USO1: variants seen among roughly 807,000 people sequenced by gnomAD.
USO1 encodes USO1 vesicle transport factor, also known as general vesicular transport factor p115.
Under a neutral mutation model 124.5 loss-of-function variants are expected in USO1, and 57 were observed. The ratio of observed to expected loss-of-function variants is 0.46; its 90% CI spans 0.37 to 0.57. The LOEUF (loss-of-function observed/expected upper bound fraction) is 0.57. Ranked by LOEUF, USO1 falls within the 20% of genes least tolerant of loss-of-function variation. The probability of loss-of-function intolerance (pLI) is 0.00; values close to 1 mark genes in which losing one functional copy is unlikely to be tolerated. For synonymous variants in USO1, 369 were observed against 362.8 expected (o/e 1.02, Z -0.19); for missense variants, 900 against 1,040.6 (o/e 0.86, Z 1.86).
intron 4 of USO1, among the ~76,000 whole-genome samples, chr4:75,765,873 A>G (rs1400724584): frequency 6.6e-6 from 1 of 152,212 alleles, no homozygotes; most frequent in Non-Finnish European, 1.5e-5. Context: ...AGGCCTTTGT[A>G]GCATCAATCC....
intron 1 of USO1, among the ~76,000 whole-genome samples, chr4:75,745,913 AAAAAAAACG>A (rs1479231733): frequency 6.6e-6 from 1 of 152,220 alleles, no homozygotes; most frequent in East Asian, 1.9e-4. Flanking sequence ...TAAAAAATAA[AAAAAAAACG>A]AAAAAAACAG....
At chr4:75,775,498 C>T (rs7698674) in intron 8 of USO1, among the ~76,000 whole-genome samples, 2,217 of 152,124 alleles carry the variant, frequency 0.015, 52 homozygotes, top group African/African-American at 0.051. Context: ...GAGATCGCAC[C>T]GCTGTACTCC....
chr4:75,730,412 A>G lies in USO1; in HGVS notation c.66+5527A>G, dbSNP rs116332012. Among the ~76,000 whole-genome samples the G allele has an allele frequency of 5.3e-3, 804 of 152,322 alleles. 11 individuals carry two copies. Among genetic ancestry groups the G allele is most frequent in the African/African-American group, 0.018 (764 of 41,580 alleles). On this transcript the variant is annotated intron_variant, in intron 1 of 23. Transcript: ENST00000514213. ...ATAGTTTCAGATATTTTTAAAATGT[A>G]GATAAAAAGTAAGCTGTTTGCCAAA...
chr4:75,810,088 T>C (rs556308531), intron 21 of USO1, among the ~76,000 whole-genome samples: 71 of 152,344 alleles, frequency 4.7e-4, no homozygotes, highest in Non-Finnish European at 6.8e-4. Flanking sequence ...TATGGACTTA[T>C]AGGAAATTTA....
rs759557150 is a variant in USO1, at chr4:75,805,244, C to T, written c.2230C>T (p.Arg744Cys). 76 of 1,612,140 alleles carry T rather than the reference C, an allele frequency of 4.7e-5. No homozygotes were observed. The South Asian group carries it at 7.5e-4, about 16-fold the overall frequency. Reference protein sequence around the residue: ...RLREEIEELKRNQELLQSQLT... With the variant: ...RLREEIEELKCNQELLQSQLT... The stretch of plus-strand genomic sequence containing the variant: ...GCGAGAAGAGATAGAAGAATTAAAA[C>T]GTAATCAGGAACTTTTACAAAGCCA... The change falls in exon 19 of 24, where the codon CGT becomes TGT. Residue 744 changes from arginine to cysteine, a missense_variant. Transcript: ENST00000514213.
intron 1 of USO1, 181 bp downstream of exon 1, chr4:75,725,066 T>C: frequency 1.5e-6 from 1 of 677,394 alleles, no homozygotes; most frequent in Non-Finnish European, 2.5e-6. Flanking sequence ...CGCCCCCAGC[T>C]CAGTCCCCAT....
At chr4:75,766,758 A>G (rs562076844) in intron 4 of USO1, among the ~76,000 whole-genome samples, 1 of 152,362 alleles carries the variant, frequency 6.6e-6, no homozygotes, top group African/African-American at 2.4e-5. Context: ...ACAAATAAGG[A>G]AACTGAGACT....
At chr4:75,740,229 A>T (rs1250581223) in intron 1 of USO1, among the ~76,000 whole-genome samples, 2 of 152,200 alleles carry the variant, frequency 1.3e-5, no homozygotes, top group Non-Finnish European at 2.9e-5. Context: ...TATATTGATC[A>T]GTTGATGAAA....
At chr4:75,733,858 T>C (rs1484649219) in intron 1 of USO1, among the ~76,000 whole-genome samples, 2 of 151,914 alleles carry the variant, frequency 1.3e-5, no homozygotes, top group African/African-American at 4.8e-5. Context: ...TTTGTCACAA[T>C]TGCTTTTGGG....
intron 11 of USO1, 45 bp from the exon 12 acceptor site, chr4:75,790,598 G>A: frequency 6.4e-7 from 1 of 1,573,740 alleles, no homozygotes; most frequent in South Asian, 1.2e-5. Flanking sequence ...TTGTATACTT[G>A]GGTTGCAATG....
chr4:75,728,068 C>G (rs1720515000), intron 1 of USO1, among the ~76,000 whole-genome samples: 1 of 152,110 alleles, frequency 6.6e-6, no homozygotes, highest in Non-Finnish European at 1.5e-5. Context: ...TGAAAGAAAT[C>G]ACAGATCTGT....
intron 13 of USO1, among the ~76,000 whole-genome samples, chr4:75,796,828 C>G: frequency 6.6e-6 from 1 of 151,530 alleles, no homozygotes; most frequent in Non-Finnish European, 1.5e-5. Flanking sequence ...ATCCTCTGCC[C>G]ATTTTATATT....
In USO1 at chr4:75,770,464, A is replaced by G. The variant is rs1012006395; in HGVS notation, c.321A>G (p.Glu107=). ...AAGAAAATTCCACAAGACAGAGTGA[A>G]GATTTGGGAAGCCAATTTACAGAAA... ...EVEENSTRQS[E]DLGSQFTEIF... is the part of the protein sequence containing the mutation. Residue 107 remains glutamate (E), a synonymous_variant, in exon 5 of 24, where the codon GAA becomes GAG. Coordinates refer to ENST00000514213, the MANE Select transcript of USO1 (RefSeq NM_003715.4). 6.3e-6 allele frequency: 10 copies of G among 1,588,894 alleles called. No homozygotes were observed. The highest frequency in any genetic ancestry group is 8.6e-6 in the Non-Finnish European group (10 of 1,166,802).
At chr4:75,769,950 A>G (rs1721874281) in intron 4 of USO1, among the ~76,000 whole-genome samples, 1 of 152,150 alleles carries the variant, frequency 6.6e-6, no homozygotes, top group Non-Finnish European at 1.5e-5. Flanking sequence ...TCATAATTAA[A>G]TTATTTAACC....
intron 4 of USO1, chr4:75,767,386 T>C (rs938073857): frequency 1.5e-5 from 6 of 404,480 alleles, no homozygotes; most frequent in African/African-American, 1.1e-4. Context: ...AATGAACATA[T>C]GTAAATAAAC....
chr4:75,795,243 G>A, intron 13 of USO1: 1 of 689,244 alleles, frequency 1.5e-6, no homozygotes. Flanking sequence ...AGTTTGTAGA[G>A]AGACTATGAA....
intron 1 of USO1, among the ~76,000 whole-genome samples, chr4:75,750,984 T>G (rs1429488704): frequency 6.6e-6 from 1 of 152,130 alleles, no homozygotes; most frequent in African/African-American, 2.4e-5. Flanking sequence ...TTGCTTTTTT[T>G]CATCTCATTA....
Position 75,724,733 on chromosome 4 carries a change from A to C in USO1, c.-87A>C. ...GCAGTAGGAGTGTGTAGAGTGCGGG[A>C]TTGGGGCCCAGGCCCTGCGGAGGGC... On this transcript the variant is annotated 5_prime_UTR_variant, in exon 1 of 24. Transcript: ENST00000514213. The C allele has an allele frequency of 1.4e-6, 2 of 1,407,418 alleles. No homozygotes were observed. Among genetic ancestry groups the C allele is most frequent in the Non-Finnish European group, 2.0e-6 (2 of 1,013,222 alleles). 87.2% of individuals were successfully genotyped at this position (1,407,418 alleles called of 1,614,324 possible).
Position 75,782,812 on chromosome 4 carries a change from C to T in USO1, c.809C>T (p.Ser270Phe). 1 of 1,607,282 alleles carries T rather than the reference C, an allele frequency of 6.2e-7. No individual in the cohort carries two copies. The highest frequency in any genetic ancestry group is 1.1e-5 in the South Asian group (1 of 89,360). The change falls in exon 9 of 24, where the codon TCT becomes TTT. Residue 270 changes from serine to phenylalanine, a missense_variant. Transcript: ENST00000514213. ...TGGTTTGAAGTTGGAGATGAAAATT[C>T]TGGCTGGTCTGCACAGAAAGTGACC... ...KPWFEVGDEN[S>F]GWSAQKVTNL... is the part of the protein sequence containing the mutation.
Sources: allele counts gnomAD v4.1 joint callset (sites outside exome capture counted in the v4.1 genomes callset), GRCh38; gene constraint gnomAD v4.1.1; transcripts MANE v1.5; gene names NCBI Gene and HGNC (gene_info 2026-07-23, HGNC 2026-07-21).